Variants in FOXP2 observed in about 807,000 individuals in gnomAD.
FOXP2 encodes forkhead box P2.
FOXP2 carries 12 observed loss-of-function variants against 115.8 expected under a neutral mutation model. The observed-to-expected ratio is 0.10, with a 90% CI of 0.07 to 0.17. FOXP2 has a LOEUF of 0.17. Ranked by LOEUF, FOXP2 falls within the 10% of genes least tolerant of loss-of-function variation. The probability of loss-of-function intolerance (pLI) is 1.00; values close to 1 mark genes in which losing one functional copy is unlikely to be tolerated. For missense variants in FOXP2, 629 were observed against 843.5 expected (o/e 0.75, Z 3.15); for synonymous variants, 328 against 297.7 (o/e 1.10, Z -1.05).
At position 114,519,820 on chromosome 7, in the gene FOXP2, C is replaced by T. The variant is rs12535574; in HGVS notation, c.169-14797C>T. Among the ~76,000 whole-genome samples, 499 of 152,178 alleles carry T rather than the reference C, an allele frequency of 3.3e-3. 13 individuals carry two copies. The highest frequency in any genetic ancestry group is 0.026 in the Admixed American group (399 of 15,266). On this transcript the variant is annotated intron_variant, in intron 2 of 16. Transcript: ENST00000350908. The stretch of plus-strand genomic sequence containing the variant: ...GCCATTTGGGATTTCTCCAAGATTA[C>T]GAAGTATTTCTTTTTCCCAGTGTCA...
intron 6 of FOXP2, among the ~76,000 whole-genome samples, chr7:114,639,345 G>A (rs1175272230): frequency 6.6e-6 from 1 of 152,042 alleles, no homozygotes; most frequent in Non-Finnish European, 1.5e-5. Context: ...TATAATCAAT[G>A]GAATCTACAA....
chr7:114,198,234 G>T (rs1793964115), intron 1 of FOXP2, among the ~76,000 whole-genome samples: 1 of 152,100 alleles, frequency 6.6e-6, no homozygotes, highest in Admixed American at 6.5e-5. Flanking sequence ...TAAGCAGTGA[G>T]CCATGTGGCA....
intron 2 of FOXP2, among the ~76,000 whole-genome samples, chr7:114,514,061 A>T (rs563164338): frequency 6.7e-6 from 1 of 149,438 alleles, no homozygotes; most frequent in South Asian, 2.1e-4. Flanking sequence ...AACATTTTTA[A>T]AATTGATCTT....
chr7:114,503,423 A>G (rs1018337236), intron 2 of FOXP2, among the ~76,000 whole-genome samples: 1 of 151,744 alleles, frequency 6.6e-6, no homozygotes, highest in Non-Finnish European at 1.5e-5. Context: ...CACTAATGGC[A>G]AAGCCAAGAT....
At chr7:114,480,616 CAT>C (rs1046976522) in intron 2 of FOXP2, among the ~76,000 whole-genome samples, 6 of 149,372 alleles carry the variant, frequency 4.0e-5, no homozygotes, top group African/African-American at 4.9e-5. Context: ...CATATATAAA[CAT>C]ATATACATGT....
intron 1 of FOXP2, among the ~76,000 whole-genome samples, chr7:114,167,115 CACAA>C (rs552648368): frequency 7.2e-5 from 11 of 152,186 alleles, no homozygotes; most frequent in Non-Finnish European, 1.5e-4. Context: ...CGTAAGTCCA[CACAA>C]AAACTTGCAC....
At chr7:114,352,440 C>A (rs1335235700) in intron 2 of FOXP2, among the ~76,000 whole-genome samples, 1 of 152,164 alleles carries the variant, frequency 6.6e-6, no homozygotes, top group Non-Finnish European at 1.5e-5. Flanking sequence ...CATAGACCAA[C>A]AGTATAAATT....
intron 1 of FOXP2, among the ~76,000 whole-genome samples, chr7:114,155,308 G>A (rs2129149441): frequency 6.6e-6 from 1 of 152,034 alleles, no homozygotes; most frequent in East Asian, 1.9e-4. Flanking sequence ...TTGGAATTCA[G>A]GCGCAGCTGT....
At chr7:114,110,327 A>G (rs1026880176) in intron 1 of FOXP2, among the ~76,000 whole-genome samples, 1 of 152,190 alleles carries the variant, frequency 6.6e-6, no homozygotes, top group African/African-American at 2.4e-5. Context: ...ACAAAAAACA[A>G]TAGAATTAAA....
intron 2 of FOXP2, among the ~76,000 whole-genome samples, chr7:114,292,437 C>G (rs1796629167): frequency 6.6e-6 from 1 of 152,062 alleles, no homozygotes; most frequent in Admixed American, 6.6e-5. Context: ...AGACTAATTA[C>G]AGCCTAGTGT....
intron 2 of FOXP2, among the ~76,000 whole-genome samples, chr7:114,344,361 A>C (rs1791289702): frequency 6.6e-6 from 1 of 151,856 alleles, no homozygotes; most frequent in Non-Finnish European, 1.5e-5. Flanking sequence ...TGTTACAAAG[A>C]TACAAAGACA....
intron 3 of FOXP2, among the ~76,000 whole-genome samples, chr7:114,574,266 C>T (rs1310960926): frequency 6.6e-6 from 1 of 151,530 alleles, no homozygotes; most frequent in African/African-American, 2.4e-5. Flanking sequence ...AATATAATGT[C>T]CTTATTATAA....
rs1792596202 is a variant in FOXP2 at position 114,391,378 on chromosome 7, A to T, written c.-10-35124A>T. 2.0e-5 allele frequency among the ~76,000 whole-genome samples: 3 copies of T among 152,112 alleles called. No individual in the cohort carries two copies. In the South Asian group the frequency reaches 6.2e-4, roughly 32 times the overall value. On this transcript the variant is annotated intron_variant, in intron 2 of 17. Transcript: ENST00000634411. ...GGTGAGTTAAGATTCCTGGTTTAAA[A>T]TTTTTTCTAAGTATTTTACTCAAGA...
intron 1 of FOXP2, among the ~76,000 whole-genome samples, chr7:114,186,727 T>A (rs1338066842): frequency 1.3e-5 from 2 of 152,174 alleles, no homozygotes; most frequent in African/African-American, 4.8e-5. Flanking sequence ...CTCTGAGGCA[T>A]CTTTTAATAT....
At chr7:114,212,640 A>T (rs1487111130) in intron 1 of FOXP2, among the ~76,000 whole-genome samples, 1 of 151,896 alleles carries the variant, frequency 6.6e-6, no homozygotes, top group African/African-American at 2.4e-5. Flanking sequence ...TCTTCCAAGT[A>T]TTTTTGTTTT....
intron 1 of FOXP2, among the ~76,000 whole-genome samples, chr7:114,171,153 AG>A (rs1793126748): frequency 6.6e-6 from 1 of 152,238 alleles, no homozygotes; most frequent in Admixed American, 6.5e-5. Flanking sequence ...TCTTTGCTCT[AG>A]AAATGAAGCA....
At chr7:114,295,434 A>T (rs975525419) in intron 2 of FOXP2, among the ~76,000 whole-genome samples, 7 of 152,202 alleles carry the variant, frequency 4.6e-5, no homozygotes, top group Admixed American at 2.0e-4. Flanking sequence ...AGCTATATTT[A>T]AAATGTCATA....
chr7:114,359,227 TG>T (rs1455430407), intron 2 of FOXP2, among the ~76,000 whole-genome samples: 1 of 152,174 alleles, frequency 6.6e-6, no homozygotes, highest in Admixed American at 6.6e-5. Context: ...AGCTTACATG[TG>T]ATGCTGAGCC....
chr7:114,326,225 T>C (rs771670581), intron 2 of FOXP2, among the ~76,000 whole-genome samples: 1 of 152,112 alleles, frequency 6.6e-6, no homozygotes, highest in East Asian at 1.9e-4. Context: ...AAGGATTAGA[T>C]AGCAAAGAGT....
Sources: gnomAD v4.1 joint callset for allele counts (sites outside exome capture counted in the v4.1 genomes callset) on GRCh38, gnomAD v4.1.1 for gene constraint, MANE v1.5 for transcripts, NCBI Gene and HGNC (gene_info 2026-07-23, HGNC 2026-07-21) for gene names.